Variants in ADGRL3 observed in about 807,000 individuals in gnomAD.
The protein encoded by ADGRL3 is calcium-independent alpha-latrotoxin receptor 3.
A neutral mutation model predicts 153.5 loss-of-function variants in ADGRL3; 62 were observed. That is an observed-to-expected ratio of 0.40 (90% CI 0.33 to 0.50). ADGRL3 has a LOEUF of 0.50. Ranked by LOEUF, ADGRL3 falls within the 20% of genes least tolerant of loss-of-function variation. ADGRL3 has a pLI of 0.47. For missense variants in ADGRL3, 1,641 were observed against 1,859.4 expected, an observed-to-expected ratio of 0.88 and a Z score of 2.16; for synonymous variants, 710 against 672.5, an observed-to-expected ratio of 1.06 and a Z score of -0.86.
intron 6 of ADGRL3, among the ~76,000 whole-genome samples, chr4:61,722,765 A>AT (rs1401781597): frequency 6.6e-6 from 1 of 152,152 alleles, no homozygotes; most frequent in East Asian, 1.9e-4. Flanking sequence ...TGGAATGCCA[A>AT]TTAATCTAAA....
At chr4:61,747,442 G>A (rs2096681205) in intron 8 of ADGRL3, among the ~76,000 whole-genome samples, 1 of 151,098 alleles carries the variant, frequency 6.6e-6, no homozygotes, top group African/African-American at 2.5e-5. Flanking sequence ...GATGAACATT[G>A]ATGCAAAAAT....
At chr4:61,846,265 T>G (rs933085870) in intron 9 of ADGRL3, among the ~76,000 whole-genome samples, 2 of 151,686 alleles carry the variant, frequency 1.3e-5, no homozygotes, top group Non-Finnish European at 2.9e-5. Flanking sequence ...TGCAGTGAGC[T>G]ATGATGGCAT....
intron 5 of ADGRL3, among the ~76,000 whole-genome samples, chr4:61,652,270 A>G (rs982650532): frequency 6.6e-6 from 1 of 152,160 alleles, no homozygotes; most frequent in African/African-American, 2.4e-5. Flanking sequence ...TTTTGTTCAT[A>G]TTATTTCATA....
intron 1 of ADGRL3, among the ~76,000 whole-genome samples, chr4:61,227,310 A>G (rs1487698162): frequency 6.6e-6 from 1 of 152,026 alleles, no homozygotes; most frequent in Non-Finnish European, 1.5e-5. Flanking sequence ...GGCTGAAGCA[A>G]TTCTCCCACC....
chr4:61,991,926 A>G (rs1179192554), intron 19 of ADGRL3, among the ~76,000 whole-genome samples: 1 of 148,178 alleles, frequency 6.7e-6, no homozygotes, highest in African/African-American at 2.4e-5. Context: ...TATATTTATA[A>G]TATTACATGA....
intron 1 of ADGRL3, among the ~76,000 whole-genome samples, chr4:61,263,723 G>C (rs1427825079): frequency 1.3e-5 from 2 of 151,948 alleles, no homozygotes; most frequent in Non-Finnish European, 2.9e-5. Flanking sequence ...GTGGGCACTT[G>C]CTTCTCAAAT....
intron 1 of ADGRL3, among the ~76,000 whole-genome samples, chr4:61,228,592 A>G (rs556106640): frequency 2.0e-5 from 3 of 152,340 alleles, no homozygotes; most frequent in African/African-American, 4.8e-5. Context: ...AGAGCAAACC[A>G]TGACAGATGA....
At position 61,934,752 on chromosome 4, in the gene ADGRL3, T is replaced by C. The variant is rs73823284; in HGVS notation, c.2113-88T>C. ...GAACTCATGCACACACTGCTGATCC[T>C]TGCTTGCTGGGCAACATGTACACCT... is the stretch of plus-strand genomic sequence containing the variant. On this transcript the variant is annotated intron_variant, in intron 13 of 26. Transcript: ENST00000683033. The C allele has an allele frequency of 1.1e-3, 1,149 of 1,002,410 alleles. 11 individuals carry two copies. The African/African-American group carries it at 0.016, about 14-fold the overall frequency. The allele number at this position is 1,002,410 out of a possible 1,614,324, so 62.1% of individuals were successfully genotyped here.
At chr4:61,878,006 C>T (rs929799419) in intron 9 of ADGRL3, among the ~76,000 whole-genome samples, 1 of 152,174 alleles carries the variant, frequency 6.6e-6, no homozygotes, top group Non-Finnish European at 1.5e-5. Flanking sequence ...CTCCCCTTCA[C>T]CTTCCGCCAT....
chr4:61,260,358 G>A (rs913746282), intron 1 of ADGRL3, among the ~76,000 whole-genome samples: 1 of 152,150 alleles, frequency 6.6e-6, no homozygotes, highest in Non-Finnish European at 1.5e-5. Context: ...TTTTCTCTGA[G>A]CATCGCCGGA....
chr4:61,702,461 A>G (rs1055661578), intron 6 of ADGRL3, among the ~76,000 whole-genome samples: 3 of 152,138 alleles, frequency 2.0e-5, no homozygotes, highest in African/African-American at 7.2e-5. Context: ...TTTATTTTAT[A>G]ATTTGCACTT....
At chr4:61,822,949 A>G (rs944011763) in intron 9 of ADGRL3, among the ~76,000 whole-genome samples, 3 of 152,236 alleles carry the variant, frequency 2.0e-5, no homozygotes, top group African/African-American at 7.2e-5. Context: ...AATGATGCTC[A>G]CGTTGAATAC....
intron 1 of ADGRL3, among the ~76,000 whole-genome samples, chr4:61,280,487 G>C (rs2093680383): frequency 6.6e-6 from 1 of 151,920 alleles, no homozygotes; most frequent in Non-Finnish European, 1.5e-5. Context: ...AACACACCTA[G>C]TATACTAGAT....
chr4:61,522,403 A>G lies in ADGRL3; in HGVS notation c.259+4885A>G, dbSNP rs567571043. ...TGATGACAGTGTAAAGTGATGCTTT[A>G]TCTTGAAAAAATGGTTAATGTTCTC... is the stretch of plus-strand genomic sequence containing the variant. On this transcript the variant is annotated intron_variant, in intron 4 of 26. Transcript: ENST00000683033. Among the ~76,000 whole-genome samples, 7 of 152,250 alleles carry G rather than the reference A, an allele frequency of 4.6e-5. No individual in the cohort carries two copies. The East Asian group carries it at 1.3e-3, about 29-fold the overall frequency.
At chr4:61,252,572 T>C (rs1759692106) in intron 1 of ADGRL3, among the ~76,000 whole-genome samples, 1 of 152,232 alleles carries the variant, frequency 6.6e-6, no homozygotes, top group Non-Finnish European at 1.5e-5. Context: ...TATAAATTGA[T>C]TCCTGTTATT....
chr4:61,725,602 A>G (rs1269682762), intron 6 of ADGRL3, among the ~76,000 whole-genome samples: 2 of 118,758 alleles, frequency 1.7e-5, no homozygotes, highest in African/African-American at 6.3e-5. Flanking sequence ...CTCAAAAAAA[A>G]AAAACCAAAA....
At chr4:61,788,350 C>A (rs2097301759) in intron 8 of ADGRL3, among the ~76,000 whole-genome samples, 1 of 152,134 alleles carries the variant, frequency 6.6e-6, no homozygotes. Flanking sequence ...AGACAGATCA[C>A]ATCACATGAC....
At chr4:61,559,176 G>C (rs1279419008) in intron 4 of ADGRL3, among the ~76,000 whole-genome samples, 2 of 151,972 alleles carry the variant, frequency 1.3e-5, no homozygotes, top group African/African-American at 4.8e-5. Flanking sequence ...CCCATAATAA[G>C]CACCTGGCAA....
intron 5 of ADGRL3, among the ~76,000 whole-genome samples, chr4:61,595,009 G>A (rs1196308558): frequency 1.3e-5 from 2 of 152,028 alleles, no homozygotes; most frequent in Admixed American, 6.6e-5. Flanking sequence ...AAAGCCCAAG[G>A]CATCTGCCTC....
Sources: allele counts gnomAD v4.1 joint callset (sites outside exome capture counted in the v4.1 genomes callset), GRCh38; gene constraint gnomAD v4.1.1; transcripts MANE v1.5; gene names NCBI Gene and HGNC (gene_info 2026-07-23, HGNC 2026-07-21).